The following ASB2 variants were observed in gnomAD, a reference collection of about 807,000 sequenced individuals.
ASB2 encodes ankyrin repeat and SOCS box containing 2.
Under a neutral mutation model 62.4 loss-of-function variants are expected in ASB2, and 58 were observed. The observed-to-expected ratio is 0.93, with a 90% CI of 0.75 to 1.16. The LOEUF is 1.16. Ranked by LOEUF, ASB2 falls within the 50% of genes most tolerant of loss-of-function variation. ASB2 has a pLI of 0.00. For missense variants in ASB2, 928 were observed against 887.9 expected (o/e 1.05, Z -0.57); for synonymous variants, 386 against 385.3 (o/e 1.00, Z -0.02).
intron 1 of ASB2, among the ~76,000 whole-genome samples, chr14:93,964,981 C>A (rs756421408): frequency 1.3e-5 from 2 of 152,212 alleles, no homozygotes; most frequent in African/African-American, 4.8e-5. Flanking sequence ...GTCTACTCAT[C>A]TGACCATTTA....
At chr14:93,968,957 G>A (rs61980696) in intron 1 of ASB2, among the ~76,000 whole-genome samples, 1 of 152,230 alleles carries the variant, frequency 6.6e-6, no homozygotes, top group Non-Finnish European at 1.5e-5. Context: ...TGCCTTTGAA[G>A]AGGCAAATTT....
chr14:93,957,459 G>T, intron 2 of ASB2: 1 of 930,832 alleles, frequency 1.1e-6, no homozygotes, highest in African/African-American at 1.8e-5. Flanking sequence ...GAAGGGCGTC[G>T]GAACCAGGGC....
chr14:93,939,405 G>C lies in ASB2; in HGVS notation c.1320C>G (p.Asp440Glu), dbSNP rs759797967. 7 of 1,612,920 alleles carry C rather than the reference G, an allele frequency of 4.3e-6. No homozygotes were observed. Among genetic ancestry groups the C allele is most frequent in the Non-Finnish European group, 5.9e-6 (7 of 1,179,854 alleles). ...LLQHGADPNR[D>E]VISPLLVAIR... is the part of the protein sequence containing the mutation. ...TGGCCACGAGCAAGGGGCTGATGACGTCGCGGTTGGGGTCGGCGCCGTGTT... is the reference window on the plus strand; with the variant it reads ...TGGCCACGAGCAAGGGGCTGATGACCTCGCGGTTGGGGTCGGCGCCGTGTT... The change falls in exon 8 of 10, where the codon GAC becomes GAG. Residue 440 changes from aspartate to glutamate, a missense_variant. Coordinates refer to ENST00000555019, the MANE Select transcript of ASB2 (RefSeq NM_001202429.2).
intron 7 of ASB2, chr14:93,941,491 C>A: frequency 2.8e-6 from 1 of 362,754 alleles, no homozygotes; most frequent in Non-Finnish European, 5.5e-6. Context: ...TGGCTAAAAT[C>A]TGACTCTAAA....
chr14:93,956,756 A>G lies in ASB2; in HGVS notation c.311+10T>C, dbSNP rs1441535376. ...TTGGATGGTCCTGGGGCCAGACAGG[A>G]GTCACTTACGCCAGCTGGGAGGTCT... is the stretch of plus-strand genomic sequence containing the variant. On this transcript the variant is annotated intron_variant, in intron 3 of 9. Transcript: ENST00000555019. 1 of 1,613,934 alleles carries G rather than the reference A, an allele frequency of 6.2e-7. No homozygotes were observed. Among genetic ancestry groups the G allele is most frequent in the East Asian group, 2.2e-5 (1 of 44,884 alleles).
intron 7 of ASB2, 116 bp from the exon 8 acceptor site, chr14:93,939,788 GGCT>G (rs1888448488): frequency 1.2e-6 from 1 of 832,742 alleles, no homozygotes; most frequent in African/African-American, 1.8e-5. Context: ...CCTGACCGCG[GGCT>G]GCGACGCGGA....
At chr14:93,938,530 G>A (rs959948713) in intron 8 of ASB2, among the ~76,000 whole-genome samples, 8 of 152,100 alleles carry the variant, frequency 5.3e-5, no homozygotes, top group Non-Finnish European at 1.0e-4. Context: ...GTGAGCCACC[G>A]CGCCCGGCCA....
intron 2 of ASB2, among the ~76,000 whole-genome samples, chr14:93,959,691 C>T (rs1039740155): frequency 1.3e-5 from 2 of 152,124 alleles, no homozygotes; most frequent in Non-Finnish European, 2.9e-5. Flanking sequence ...CGTCACCTGA[C>T]CCTGGAGTCC....
intron 7 of ASB2, among the ~76,000 whole-genome samples, chr14:93,942,021 T>C (rs1474987029): frequency 1.3e-5 from 2 of 152,178 alleles, no homozygotes; most frequent in Non-Finnish European, 1.5e-5. Flanking sequence ...TACAGGTCTC[T>C]GGATGTCCAG....
chr14:93,969,027 A>G (rs908056253), intron 1 of ASB2, among the ~76,000 whole-genome samples: 1 of 152,206 alleles, frequency 6.6e-6, no homozygotes, highest in Non-Finnish European at 1.5e-5. Context: ...TCAGCCTTCA[A>G]GGGTTCTTGG....
At chr14:93,971,962 T>C (rs1050706203) in intron 1 of ASB2, among the ~76,000 whole-genome samples, 18 of 149,648 alleles carry the variant, frequency 1.2e-4, no homozygotes, top group Admixed American at 4.7e-4. Context: ...ATGTATTATA[T>C]ATATTATATA....
chr14:93,952,616 G>A (rs1889011855), intron 5 of ASB2, among the ~76,000 whole-genome samples: 1 of 152,240 alleles, frequency 6.6e-6, no homozygotes, highest in Non-Finnish European at 1.5e-5. Flanking sequence ...CCACCTCCCT[G>A]AGTTTAAACC....
intron 4 of ASB2, among the ~76,000 whole-genome samples, chr14:93,954,027 G>T (rs536364610): frequency 1.4e-4 from 21 of 152,134 alleles, no homozygotes; most frequent in Non-Finnish European, 2.5e-4. Flanking sequence ...TCAGCCCCTG[G>T]GACATTCTGG....
chr14:93,946,765 T>A (rs1884208), intron 7 of ASB2, among the ~76,000 whole-genome samples: 40,017 of 152,192 alleles, frequency 0.26, 5,931 homozygotes, highest in East Asian at 0.6. Context: ...TATCTAGCAC[T>A]TAGTAATTGC....
intron 2 of ASB2, chr14:93,957,240 A>C: frequency 8.3e-7 from 1 of 1,209,298 alleles, no homozygotes. Flanking sequence ...CCCAGGATGA[A>C]AGGGGCTCAG....
intron 9 of ASB2, among the ~76,000 whole-genome samples, chr14:93,935,468 C>T (rs1888241399): frequency 1.3e-5 from 2 of 152,132 alleles, no homozygotes; most frequent in South Asian, 4.1e-4. Context: ...AATGCTGAGC[C>T]CCTCTGTTGC....
At chr14:93,961,888 C>T (rs936199146) in intron 2 of ASB2, among the ~76,000 whole-genome samples, 2 of 152,180 alleles carry the variant, frequency 1.3e-5, no homozygotes, top group African/African-American at 4.8e-5. Context: ...GAGGCCTTCA[C>T]AGCATCAGCA....
intron 3 of ASB2, among the ~76,000 whole-genome samples, chr14:93,954,704 T>C (rs1290300972): frequency 1.3e-5 from 2 of 152,216 alleles, no homozygotes; most frequent in African/African-American, 4.8e-5. Flanking sequence ...CCAAAACCAA[T>C]TCTACCAAGA....
At chr14:93,941,810 G>A (rs1044791254) in intron 7 of ASB2, 11 of 410,764 alleles carry the variant, frequency 2.7e-5, no homozygotes, top group African/African-American at 2.1e-4. Flanking sequence ...GTGGGAACTT[G>A]AGCATTGTCT....
Sources: allele counts gnomAD v4.1 joint callset (sites outside exome capture counted in the v4.1 genomes callset), GRCh38; gene constraint gnomAD v4.1.1; transcripts MANE v1.5; gene names NCBI Gene and HGNC (gene_info 2026-07-23, HGNC 2026-07-21).